Variants in RASSF3 observed in about 807,000 individuals in gnomAD.
RASSF3 encodes ras association domain-containing protein 3.
RASSF3 carries 19 observed loss-of-function variants against 19.9 expected under a neutral mutation model. That is an observed-to-expected ratio of 0.96 (90% CI 0.67 to 1.40). The LOEUF (loss-of-function observed/expected upper bound fraction) is 1.40, where lower values mean the gene tolerates loss of function less well. RASSF3 is among the 40% of genes most tolerant of loss of function. RASSF3 has a pLI of 0.00. For synonymous variants in RASSF3, 110 were observed against 104.2 expected (o/e 1.06, Z -0.34); for missense variants, 306 against 289.8 (o/e 1.06, Z -0.41).
upstream of RASSF3, among the ~76,000 whole-genome samples, chr12:64,610,052 C>T (rs1870278948): frequency 6.6e-6 from 1 of 152,106 alleles, no homozygotes; most frequent in Non-Finnish European, 1.5e-5. Context: ...TGGGGGGTCC[C>T]TCGGCCGGGC....
intron 1 of RASSF3, among the ~76,000 whole-genome samples, chr12:64,625,083 G>A (rs1258549799): frequency 1.3e-5 from 2 of 152,116 alleles, no homozygotes; most frequent in Non-Finnish European, 2.9e-5. Flanking sequence ...GGAACTAATA[G>A]TCCAGCCAAA....
downstream of RASSF3, among the ~76,000 whole-genome samples, chr12:64,543,448 G>GCTC (rs1868985356): frequency 1.6e-4 from 1 of 6,350 alleles, no homozygotes; most frequent in Non-Finnish European, 4.0e-4. Context: ...CCCCGTGCCC[G>GCTC]CCCGCCCCCC....
intron 2 of RASSF3, among the ~76,000 whole-genome samples, chr12:64,603,774 A>G (rs1317728040): frequency 6.6e-6 from 1 of 152,214 alleles, no homozygotes; most frequent in African/African-American, 2.4e-5. Flanking sequence ...CTGAGGTTTA[A>G]CCAGTTTAGA....
intron 1 of RASSF3, among the ~76,000 whole-genome samples, chr12:64,539,869 T>C (rs964453027): frequency 2.6e-5 from 4 of 152,218 alleles, no homozygotes; most frequent in Admixed American, 6.5e-5. Flanking sequence ...AGACCAATAA[T>C]AAACTTATTA....
At chr12:64,629,978 G>GA (rs1303651016) in intron 1 of RASSF3, 4 of 117,800 alleles carry the variant, frequency 3.4e-5, no homozygotes, top group Admixed American at 8.5e-5. Flanking sequence ...AAAAAAAAAA[G>GA]AAAAAGAAAA....
intron 2 of RASSF3, among the ~76,000 whole-genome samples, chr12:64,561,987 G>GTATGTATTTATTTATT (rs757565540): frequency 2.2e-5 from 3 of 135,342 alleles, no homozygotes; most frequent in Non-Finnish European, 4.8e-5. Context: ...ATGGCCCATA[G>GTATGTATTTATTTATT]TATTTATTTA....
chr12:64,560,518 A>T (rs1382941746), intron 2 of RASSF3, among the ~76,000 whole-genome samples: 1 of 152,084 alleles, frequency 6.6e-6, no homozygotes, highest in Non-Finnish European at 1.5e-5. Context: ...ATTCTCCTCC[A>T]CCAGGACATC....
At chr12:64,619,049 A>T (rs932967127) in intron 1 of RASSF3, among the ~76,000 whole-genome samples, 1 of 152,190 alleles carries the variant, frequency 6.6e-6, no homozygotes, top group Non-Finnish European at 1.5e-5. Flanking sequence ...TAGCATGGCT[A>T]TGGAAAACTT....
chr12:64,533,167 G>T (rs1266824656), upstream of RASSF3: 1 of 152,428 alleles, frequency 6.6e-6, no homozygotes, highest in African/African-American at 2.4e-5. Flanking sequence ...CTGCTCCCTG[G>T]TGGGCTCTGA....
chr12:64,545,778 T>C (rs1205195119), downstream of RASSF3, among the ~76,000 whole-genome samples: 6 of 152,016 alleles, frequency 3.9e-5, no homozygotes, highest in Non-Finnish European at 8.8e-5. Context: ...AAATTTAAAA[T>C]GAGGCAGGAA....
chr12:64,650,535 C>G (rs1462184072), intron 1 of RASSF3, among the ~76,000 whole-genome samples: 2 of 149,504 alleles, frequency 1.3e-5, no homozygotes, highest in Non-Finnish European at 3.0e-5. Context: ...TCTGCCTCAG[C>G]CTTCTAAGTA....
At chr12:64,691,240 T>G (rs1295167454) in intron 3 of RASSF3, among the ~76,000 whole-genome samples, 2 of 152,242 alleles carry the variant, frequency 1.3e-5, no homozygotes, top group East Asian at 3.8e-4. Context: ...AATTTATTCT[T>G]GAAAATAATT....
downstream of RASSF3, among the ~76,000 whole-genome samples, chr12:64,545,561 A>G: frequency 6.6e-6 from 1 of 152,212 alleles, no homozygotes; most frequent in East Asian, 1.9e-4. Context: ...TATAAAGATC[A>G]CGTGAAAGGC....
intron 2 of RASSF3, among the ~76,000 whole-genome samples, chr12:64,592,838 G>A (rs1370766246): frequency 6.6e-6 from 1 of 151,390 alleles, no homozygotes; most frequent in Non-Finnish European, 1.5e-5. Flanking sequence ...TTATTTTTTT[G>A]TAGAGACAAG....
chr12:64,529,525 G>T (rs190012390), upstream of RASSF3, among the ~76,000 whole-genome samples: 2 of 152,190 alleles, frequency 1.3e-5, no homozygotes, highest in South Asian at 4.1e-4. Context: ...GCCTAGAGCT[G>T]CTGAGAGCCA....
intron 1 of RASSF3, among the ~76,000 whole-genome samples, chr12:64,648,998 C>G (rs1262597232): frequency 6.6e-6 from 1 of 151,502 alleles, no homozygotes; most frequent in African/African-American, 2.4e-5. Flanking sequence ...TTTGTAGAGA[C>G]AGGGTCTCAT....
At chr12:64,624,423 GT>G (rs1006473762) in intron 1 of RASSF3, among the ~76,000 whole-genome samples, 1 of 151,802 alleles carries the variant, frequency 6.6e-6, no homozygotes, top group Admixed American at 6.6e-5. Context: ...GTACCTCTTT[GT>G]TTTTTTAATT....
intron 2 of RASSF3, among the ~76,000 whole-genome samples, chr12:64,581,121 AAGAGAG>A (rs933066354): frequency 6.6e-6 from 1 of 151,326 alleles, no homozygotes; most frequent in Non-Finnish European, 1.5e-5. Flanking sequence ...AAAAAAAAAA[AAGAGAG>A]AGAGAGAGCT....
chr12:64,507,800 A>C (rs909677235), intron 1 of RASSF3, among the ~76,000 whole-genome samples: 9 of 152,138 alleles, frequency 5.9e-5, no homozygotes, highest in African/African-American at 2.2e-4. Flanking sequence ...TTTATGCATC[A>C]TATTTTAGGT....
Sources: allele counts gnomAD v4.1 joint callset (sites outside exome capture counted in the v4.1 genomes callset), GRCh38; gene constraint gnomAD v4.1.1; transcripts MANE v1.5; gene names NCBI Gene and HGNC (gene_info 2026-07-23, HGNC 2026-07-21).